VAMP7: variants seen among roughly 807,000 people sequenced by gnomAD.
VAMP7 encodes the protein vesicle-associated membrane protein 7.
VAMP7 carries 14 observed loss-of-function variants against 29.6 expected under a neutral mutation model. The observed-to-expected ratio is 0.47, with a 90% CI of 0.31 to 0.74. The LOEUF is 0.74. VAMP7 is among the 30% of genes least tolerant of loss of function. The probability of loss-of-function intolerance (pLI) is 0.05; values close to 1 mark genes in which losing one functional copy is unlikely to be tolerated. For synonymous variants in VAMP7, 95 were observed against 88.1 expected (o/e 1.08, Z -0.44); for missense variants, 223 against 262.4 (o/e 0.85, Z 1.04).
chrX:155,921,124 G>A (rs1382875395), intron 6 of VAMP7, among the ~76,000 whole-genome samples: 1 of 152,060 alleles, frequency 6.6e-6, no homozygotes, highest in Non-Finnish European at 1.5e-5. Context: ...TGCTTAGGGG[G>A]AATGGTCTGT....
At position 155,919,828 on chromosome X, in the gene VAMP7, G is replaced by A. The variant is rs747331110; in HGVS notation, c.449G>A (p.Arg150Gln). The A allele has an allele frequency of 1.2e-5, 19 of 1,613,098 alleles. No homozygotes were observed. Among genetic ancestry groups the A allele is most frequent in the Non-Finnish European group, 1.6e-5 (19 of 1,179,594 alleles). Residue 150 changes from arginine (R) to glutamine (Q), a missense_variant, in exon 6 of 8, where the codon CGA becomes CAA. By Grantham distance (43) the Arg-to-Gln change is conservative. Coordinates refer to ENST00000286448, the MANE Select transcript of VAMP7 (RefSeq NM_005638.6). ...ATATTTTCAGATCTGGTAGCTCAGC[G>A]AGGAGAAAGATTGGAATTATTGATT... ...MVRNIDLVAQ[R>Q]GERLELLIDK...
At chrX:155,896,838 G>A (rs1457616949) in intron 3 of VAMP7, among the ~76,000 whole-genome samples, 2 of 151,994 alleles carry the variant, frequency 1.3e-5, no homozygotes, top group Admixed American at 6.6e-5. Flanking sequence ...TCACAGACTC[G>A]TCACTTGTGG....
At chrX:155,883,161 A>G (rs2124207297) in intron 1 of VAMP7, among the ~76,000 whole-genome samples, 1 of 152,304 alleles carries the variant, frequency 6.6e-6, no homozygotes, top group East Asian at 1.9e-4. Context: ...CCACCAGTAT[A>G]TACGTGTTGA....
At chrX:155,893,646 TGTTCTCAGGTGGTGGAA>T (rs775292374) in intron 2 of VAMP7, among the ~76,000 whole-genome samples, 1 of 152,316 alleles carries the variant, frequency 6.6e-6, no homozygotes, top group South Asian at 2.1e-4. Context: ...CTTCTTGCTG[TGTTCTCAGGTGGTGGAA>T]AGAGAGTGAT....
intron 6 of VAMP7, among the ~76,000 whole-genome samples, chrX:155,923,381 A>G (rs2066422267): frequency 6.6e-6 from 1 of 150,912 alleles, no homozygotes; most frequent in Non-Finnish European, 1.5e-5. Context: ...ACTGGAAATG[A>G]ATTCTTTCAG....
intron 2 of VAMP7, among the ~76,000 whole-genome samples, chrX:155,894,172 C>A (rs191628101): frequency 2.0e-5 from 3 of 152,218 alleles, no homozygotes; most frequent in East Asian, 3.9e-4. Flanking sequence ...TCTTCTCTGT[C>A]CCTTTTTCTT....
Position 155,942,215 on chromosome X carries a change from G to A in VAMP7, c.*264G>A. 6 of 1,500,394 alleles carry A rather than the reference G, an allele frequency of 4.0e-6. No homozygotes were observed. The highest frequency in any genetic ancestry group is 5.4e-6 in the Non-Finnish European group (6 of 1,121,326). 92.9% of individuals were successfully genotyped at this position (1,500,394 alleles called of 1,614,324 possible). A position where few individuals can be genotyped will look rare whatever the true frequency, so the allele number is the denominator to read the frequency against. ...TTATTTCTTTGGTTTGTTAACTAGT[G>A]TCATCTATTTAGAGAAACATTTTTG... On this transcript the variant is annotated 3_prime_UTR_variant, in exon 8 of 8. Coordinates refer to ENST00000286448, the MANE Select transcript of VAMP7 (RefSeq NM_005638.6).
At chrX:155,899,009 CA>C (rs1431960157) in intron 4 of VAMP7, among the ~76,000 whole-genome samples, 1 of 151,932 alleles carries the variant, frequency 6.6e-6, no homozygotes, top group African/African-American at 2.4e-5. Context: ...GTAGTATATG[CA>C]TATACCACAA....
chrX:155,916,805 A>T (rs1330132788), intron 5 of VAMP7, among the ~76,000 whole-genome samples: 2 of 151,804 alleles, frequency 1.3e-5, no homozygotes, highest in East Asian at 3.9e-4. Context: ...CCTGCATTTC[A>T]TCCTTGGTGA....
chrX:155,910,340 T>G (rs1285799439), intron 5 of VAMP7, among the ~76,000 whole-genome samples: 1 of 152,240 alleles, frequency 6.6e-6, no homozygotes, highest in East Asian at 1.9e-4. Context: ...CCACATTTTC[T>G]TTATCCATTC....
chrX:155,928,444 G>A (rs1465308756), intron 6 of VAMP7, among the ~76,000 whole-genome samples: 1 of 152,166 alleles, frequency 6.6e-6, no homozygotes, highest in Non-Finnish European at 1.5e-5. Context: ...AGAGGCTCTA[G>A]GAGAGGATCT....
intron 5 of VAMP7, among the ~76,000 whole-genome samples, chrX:155,919,100 G>T (rs1441249839): frequency 6.6e-6 from 1 of 152,078 alleles, no homozygotes; most frequent in Non-Finnish European, 1.5e-5. Flanking sequence ...CTTATAGAAT[G>T]AGTAGGGAGA....
chrX:155,925,105 C>T (rs1313323683), intron 6 of VAMP7, among the ~76,000 whole-genome samples: 2 of 152,158 alleles, frequency 1.3e-5, no homozygotes, highest in South Asian at 2.1e-4. Flanking sequence ...TCTATTTCTA[C>T]CACATCTGCA....
chrX:155,905,300 C>T (rs985038442), intron 5 of VAMP7, among the ~76,000 whole-genome samples: 1 of 151,840 alleles, frequency 6.6e-6, no homozygotes, highest in East Asian at 1.9e-4. Context: ...TATAACAGTA[C>T]TTTATATATT....
chrX:155,937,812 T>G, intron 6 of VAMP7, among the ~76,000 whole-genome samples: 1 of 152,244 alleles, frequency 6.6e-6, no homozygotes, highest in East Asian at 1.9e-4. Flanking sequence ...ACCAGGCACA[T>G]AATAAGCACA....
intron 3 of VAMP7, among the ~76,000 whole-genome samples, chrX:155,895,992 C>T (rs1357056410): frequency 1.3e-5 from 2 of 152,132 alleles, no homozygotes; most frequent in African/African-American, 2.4e-5. Flanking sequence ...TGAGGTGGAA[C>T]AGTTTAATCC....
At chrX:155,911,096 C>G (rs1394254704) in intron 5 of VAMP7, among the ~76,000 whole-genome samples, 1 of 152,030 alleles carries the variant, frequency 6.6e-6, no homozygotes, top group South Asian at 2.1e-4. Flanking sequence ...TTTAATCTAT[C>G]TTGGTTGATT....
Position 155,895,639 on chromosome X carries a change from A to C in VAMP7, c.163A>C (p.Ile55Leu). 1.2e-6 allele frequency: 2 copies of C among 1,610,588 alleles called. No homozygotes were observed. Among genetic ancestry groups the C allele is most frequent in the Non-Finnish European group, 1.7e-6 (2 of 1,177,010 alleles). ...ATTCTACAGTTATTTGTTTCATTAC[A>C]TCTGCCAAGACAGGATTGTATATCT... is the stretch of plus-strand genomic sequence containing the variant. ...YSHGNYLFHY[I>L]CQDRIVYLCI... Residue 55 changes from isoleucine (I) to leucine (L), a missense_variant, in exon 3 of 8, where the codon ATC becomes CTC. By Grantham distance (5) the Ile-to-Leu change is conservative (BLOSUM62 2). Coordinates refer to ENST00000286448, the MANE Select transcript of VAMP7 (RefSeq NM_005638.6).
intron 6 of VAMP7, among the ~76,000 whole-genome samples, chrX:155,931,600 A>T (rs1193543414): frequency 1.3e-5 from 2 of 152,132 alleles, no homozygotes; most frequent in African/African-American, 2.4e-5. Flanking sequence ...TCTTTGTAGA[A>T]TCTGGATATT....
Sources: gnomAD v4.1 joint callset for allele counts (sites outside exome capture counted in the v4.1 genomes callset) on GRCh38, gnomAD v4.1.1 for gene constraint, MANE v1.5 for transcripts, NCBI Gene and HGNC (gene_info 2026-07-23, HGNC 2026-07-21) for gene names.